Variants in CDH12 observed in about 807,000 individuals in gnomAD.
CDH12 encodes cadherin-12.
Under a neutral mutation model 74.1 loss-of-function variants are expected in CDH12, and 41 were observed. That is an observed-to-expected ratio of 0.55 (90% CI 0.43 to 0.72). The LOEUF (loss-of-function observed/expected upper bound fraction) is 0.72. CDH12 is among the 30% of genes least tolerant of loss of function. The probability of loss-of-function intolerance (pLI) is 0.00; values close to 1 mark genes in which losing one functional copy is unlikely to be tolerated. For missense variants in CDH12, 945 were observed against 977.2 expected (o/e 0.97, Z 0.44); for synonymous variants, 399 against 355.0 (o/e 1.12, Z -1.39).
rs367871645 is a variant in CDH12, at chr5:22,652,037, G to T, written c.-522-146673C>A. Among the ~76,000 whole-genome samples the T allele has an allele frequency of 2.6e-4, 39 of 152,174 alleles. No individual in the cohort carries two copies. The East Asian group carries it at 7.2e-3, about 28-fold the overall frequency. ...GATAGATGGTTAAAACGTAGGTTCA[G>T]AATAATTACTGAATACTTCTAGGAT... On this transcript the variant is annotated intron_variant, in intron 1 of 14. Transcript: ENST00000382254.
chr5:22,796,266 A>G (rs1041353438), intron 1 of CDH12, among the ~76,000 whole-genome samples: 2 of 152,148 alleles, frequency 1.3e-5, no homozygotes, highest in Admixed American at 1.3e-4. Context: ...AGGAACTTCC[A>G]TACTCTTGTC....
chr5:22,556,569 T>C (rs1203109421), intron 1 of CDH12, among the ~76,000 whole-genome samples: 1 of 152,110 alleles, frequency 6.6e-6, no homozygotes, highest in Non-Finnish European at 1.5e-5. Flanking sequence ...TGTTATCTGA[T>C]GTTCTATAGC....
chr5:22,548,686 A>T (rs1161456277), intron 1 of CDH12, among the ~76,000 whole-genome samples: 1 of 151,852 alleles, frequency 6.6e-6, no homozygotes, highest in African/African-American at 2.4e-5. Flanking sequence ...CGACCCACCT[A>T]TGGGATAGGC....
At chr5:22,643,096 C>A (rs956999973) in intron 1 of CDH12, among the ~76,000 whole-genome samples, 1 of 152,124 alleles carries the variant, frequency 6.6e-6, no homozygotes, top group Non-Finnish European at 1.5e-5. Context: ...AGATACCTGA[C>A]TCTCCTAGCA....
chr5:21,963,124 T>C (rs574173520), intron 6 of CDH12, among the ~76,000 whole-genome samples: 1 of 147,458 alleles, frequency 6.8e-6, no homozygotes, highest in Admixed American at 6.8e-5. Context: ...GATAGATAGA[T>C]AGAGAGATGA....
intron 6 of CDH12, chr5:21,884,041 G>C: frequency 2.8e-6 from 4 of 1,440,232 alleles, no homozygotes; most frequent in Non-Finnish European, 3.9e-6. Context: ...ACGAATGCAG[G>C]TGTTGAAGGA....
Position 21,802,300 on chromosome 5 carries a change from C to T in CDH12, c.1123G>A (p.Val375Met), listed in dbSNP as rs1306514505. 5 of 1,613,760 alleles carry T rather than the reference C, an allele frequency of 3.1e-6. No individual in the cohort carries two copies. In the Admixed American group the frequency reaches 5.0e-5, roughly 16 times the overall value. ...ACCGGTGGCTCATCTACGTCCAGCA[C>T]GCTGATCTTCACCGTAGCTGTGTCT... ...FKDTATVKIS[V>M]LDVDEPPVFS... The change falls in exon 10 of 15, where the codon GTG becomes ATG. Residue 375 changes from valine (V) to methionine (M), a missense_variant. Around this residue, in one of 3 missense-constraint regions of CDH12, gnomAD observed 791 missense variants for 792.8 expected, o/e 1.00. Transcript: ENST00000382254.
chr5:22,482,533 C>G (rs1054315864), intron 2 of CDH12, among the ~76,000 whole-genome samples: 1 of 152,040 alleles, frequency 6.6e-6, no homozygotes, highest in African/African-American at 2.4e-5. Flanking sequence ...TATAACTTTA[C>G]CCATATTCTT....
At chr5:22,619,731 CA>C (rs5866580) in intron 1 of CDH12, among the ~76,000 whole-genome samples, 116 of 141,666 alleles carry the variant, frequency 8.2e-4, no homozygotes, top group African/African-American at 8.5e-4. Flanking sequence ...ATTTTCTAAA[CA>C]AAAAAAAAAA....
rs566537165 is a variant in CDH12, at chr5:22,355,541, T to A, written c.-333+49716A>T. On this transcript the variant is annotated intron_variant, in intron 3 of 14. Transcript: ENST00000382254. Reference sequence around the variant, plus strand: ...AAAAAAAAATATATATATATATATATAAAACTATCTTACATGTCTTTTAAA... The same window carrying A: ...AAAAAAAAATATATATATATATATAAAAAACTATCTTACATGTCTTTTAAA... Among the ~76,000 whole-genome samples, 703 of 148,976 alleles carry A rather than the reference T, an allele frequency of 4.7e-3. 7 individuals are homozygous for A. The highest frequency in any genetic ancestry group is 0.016 in the African/African-American group (651 of 40,544).
chr5:22,476,728 T>C lies in CDH12; in HGVS notation c.-428+28542A>G, dbSNP rs537861411. On this transcript the variant is annotated intron_variant, in intron 2 of 14. Transcript: ENST00000382254. The stretch of plus-strand genomic sequence containing the variant: ...GTTCTAAAAATTGTCTATAGATTTA[T>C]CTTGTAATTGGTGTACCAAAATTGT... 1.1e-3 allele frequency among the ~76,000 whole-genome samples: 162 copies of C among 152,324 alleles called. 1 individual carries two copies. Among genetic ancestry groups the C allele is most frequent in the African/African-American group, 3.8e-3 (157 of 41,580 alleles).
At chr5:22,481,407 A>G (rs1746378630) in intron 2 of CDH12, among the ~76,000 whole-genome samples, 1 of 152,246 alleles carries the variant, frequency 6.6e-6, no homozygotes, top group African/African-American at 2.4e-5. Context: ...CTTCATGTTC[A>G]TGGCAGCATA....
At chr5:21,996,901 T>C (rs1204784447) in intron 5 of CDH12, among the ~76,000 whole-genome samples, 2 of 151,876 alleles carry the variant, frequency 1.3e-5, no homozygotes, top group Non-Finnish European at 1.5e-5. Context: ...CACAGAAAAA[T>C]ATAACATGGA....
Position 22,478,527 on chromosome 5 carries a change from C to A in CDH12, c.-428+26743G>T, listed in dbSNP as rs191864653. On this transcript the variant is annotated intron_variant, in intron 2 of 14. Transcript: ENST00000382254. ...TACCAGCTAAATATATGAACCATAA[C>A]TAAAAGAGAAGTTCTTGTTCAAGTA... 5.3e-5 allele frequency among the ~76,000 whole-genome samples: 8 copies of A among 149,856 alleles called. No homozygotes were observed. The South Asian group carries it at 8.5e-4, about 16-fold the overall frequency.
chr5:22,743,273 T>TATACAC (rs138579102), intron 1 of CDH12, among the ~76,000 whole-genome samples: 53 of 144,806 alleles, frequency 3.7e-4, no homozygotes, highest in Non-Finnish European at 5.8e-4. Context: ...TATATATATA[T>TATACAC]ATATATATGT....
Position 22,206,297 on chromosome 5 carries a change from C to T in CDH12, c.-187+6201G>A, listed in dbSNP as rs1421849793. Among the ~76,000 whole-genome samples the T allele has an allele frequency of 7.9e-5, 12 of 152,174 alleles. 1 individual carries two copies. Among genetic ancestry groups the T allele is most frequent in the Admixed American group, 5.2e-4 (8 of 15,278 alleles). The stretch of plus-strand genomic sequence containing the variant: ...ACACTCTAAAACCTCTAAAAAAGAT[C>T]CCCAGATAACTTGCGTGCCTGTTCT... On this transcript the variant is annotated intron_variant, in intron 4 of 14. Coordinates refer to ENST00000382254, the MANE Select transcript of CDH12 (RefSeq NM_004061.5).
chr5:21,938,744 A>ATATT (rs982227046), intron 6 of CDH12, among the ~76,000 whole-genome samples: 2 of 138,436 alleles, frequency 1.4e-5, no homozygotes, highest in Non-Finnish European at 3.0e-5. Context: ...ATATATATAT[A>ATATT]TATATCTTCT....
At chr5:22,340,404 G>C (rs572640346) in intron 3 of CDH12, among the ~76,000 whole-genome samples, 53 of 152,084 alleles carry the variant, frequency 3.5e-4, no homozygotes, top group African/African-American at 1.3e-3. Context: ...GCGGGTGCCT[G>C]TAGTCCCAGC....
intron 1 of CDH12, among the ~76,000 whole-genome samples, chr5:22,792,916 A>C (rs1488611691): frequency 6.6e-6 from 1 of 152,208 alleles, no homozygotes; most frequent in Admixed American, 6.5e-5. Context: ...TAAAGCAGTT[A>C]TAAAGTGTGA....
Sources: gnomAD v4.1 joint callset for allele counts (sites outside exome capture counted in the v4.1 genomes callset) on GRCh38, gnomAD v4.1.1 for gene constraint, gnomAD v4.1.1 regional missense constraint, MANE v1.5 for transcripts, NCBI Gene and HGNC (gene_info 2026-07-23, HGNC 2026-07-21) for gene names.